PUDP: variants seen among roughly 807,000 people sequenced by gnomAD.
PUDP encodes pseudouridine 5'-phosphatase, also known as pseudouridine-5'-phosphatase.
In PUDP, 8 loss-of-function variants were observed where a neutral mutation model predicts 9.4. The ratio of observed to expected loss-of-function variants is 0.85; its 90% CI spans 0.50 to 1.53. PUDP has a LOEUF of 1.53. PUDP is among the 40% of genes most tolerant of loss of function. The probability of loss-of-function intolerance (pLI) is 0.00; values close to 1 mark genes in which losing one functional copy is unlikely to be tolerated. For missense variants in PUDP, 188 were observed against 189.7 expected (o/e 0.99, Z 0.05); for synonymous variants, 99 against 80.7 (o/e 1.23, Z -1.22).
Position 7,021,301 on chromosome X carries a change from G to A in PUDP, c.205-42958C>T, listed in dbSNP as rs369655970. On this transcript the variant is annotated intron_variant and NMD_transcript_variant, in intron 1 of 3. Transcript: ENST00000655425. ...GGAAGAAAAATCATCCCAATGGGCC[G>A]CCTCAACTGGTGTCTAACTCCTTTG... Among the ~76,000 whole-genome samples the A allele has an allele frequency of 9.8e-5, 11 of 111,962 alleles. No individual in the cohort carries two copies. The East Asian group carries it at 2.5e-3, about 26-fold the overall frequency.
intron 1 of PUDP, among the ~76,000 whole-genome samples, chrX:6,998,713 A>G (rs964777862): frequency 3.6e-5 from 4 of 112,337 alleles, no homozygotes; most frequent in Admixed American, 2.8e-4. Flanking sequence ...CAAATTCACA[A>G]TTAAGAATAA....
At chrX:7,132,034 G>A (rs1346319753) in intron 1 of PUDP, among the ~76,000 whole-genome samples, 1 of 110,515 alleles carries the variant, frequency 9.0e-6, no homozygotes, top group African/African-American at 3.3e-5. Flanking sequence ...GTCTCTAGCA[G>A]ATGAATGATG....
intron 3 of PUDP, among the ~76,000 whole-genome samples, chrX:6,733,118 T>G (rs1487568327): frequency 8.9e-6 from 1 of 112,309 alleles, no homozygotes; most frequent in Non-Finnish European, 1.9e-5. Context: ...GCTCATCCAC[T>G]TACGCTTGAA....
chrX:6,915,696 A>T (rs1041319181), intron 3 of PUDP, among the ~76,000 whole-genome samples: 1 of 112,246 alleles, frequency 8.9e-6, no homozygotes, highest in Admixed American at 9.5e-5. Context: ...CCTAAAAACT[A>T]AAAAAGATAC....
At chrX:7,089,119 G>A (rs1378900765) in intron 2 of PUDP, among the ~76,000 whole-genome samples, 4 of 111,501 alleles carry the variant, frequency 3.6e-5, no homozygotes, top group African/African-American at 9.8e-5. Flanking sequence ...ACAGAAGAGT[G>A]GGGGCTGAGC....
intron 3 of PUDP, among the ~76,000 whole-genome samples, chrX:6,874,096 T>A (rs1224429806): frequency 9.2e-6 from 1 of 108,545 alleles, no homozygotes; most frequent in Non-Finnish European, 1.9e-5. Context: ...ATCACGACAC[T>A]GCACTCCAGC....
At chrX:7,055,867 G>C (rs1930229097) in intron 3 of PUDP, among the ~76,000 whole-genome samples, 1 of 112,064 alleles carries the variant, frequency 8.9e-6, no homozygotes, top group African/African-American at 3.2e-5. Flanking sequence ...TATCTTCGAA[G>C]GCAGAAATAT....
chrX:6,964,340 G>A (rs1026990896), intron 3 of PUDP, among the ~76,000 whole-genome samples: 2 of 111,978 alleles, frequency 1.8e-5, no homozygotes, highest in Non-Finnish European at 3.8e-5. Context: ...TAAAAGATTC[G>A]ATTCCCTACT....
intron 3 of PUDP, among the ~76,000 whole-genome samples, chrX:6,926,239 G>T (rs1400859688): frequency 1.8e-5 from 2 of 111,798 alleles, no homozygotes; most frequent in Non-Finnish European, 1.9e-5. Context: ...TTAAGACAAA[G>T]AAAGTGCTCT....
chrX:7,061,365 G>T (rs1415291892), intron 3 of PUDP, among the ~76,000 whole-genome samples: 1 of 110,900 alleles, frequency 9.0e-6, no homozygotes, highest in Non-Finnish European at 1.9e-5. Flanking sequence ...AAAAAAGTAA[G>T]GTTTCATTTT....
intron 3 of PUDP, among the ~76,000 whole-genome samples, chrX:6,894,798 G>GA (rs1210643923): frequency 5.4e-5 from 6 of 111,867 alleles, no homozygotes; most frequent in Non-Finnish European, 1.1e-4. Context: ...CCAAACCAGG[G>GA]AATCAGTCGT....
chrX:6,741,137 C>T (rs1476443560), intron 3 of PUDP, among the ~76,000 whole-genome samples: 1 of 101,528 alleles, frequency 9.8e-6, no homozygotes, highest in Non-Finnish European at 2.0e-5. Flanking sequence ...CTAGCCTGGG[C>T]GACAGAGTTA....
chrX:6,731,031 C>A (rs1441340131), intron 3 of PUDP, among the ~76,000 whole-genome samples: 1 of 108,930 alleles, frequency 9.2e-6, no homozygotes, highest in Non-Finnish European at 1.9e-5. Context: ...CATCTATAGT[C>A]CAAACCCTTG....
chrX:6,777,184 T>G (rs1209570415), intron 3 of PUDP, among the ~76,000 whole-genome samples: 1 of 112,473 alleles, frequency 8.9e-6, no homozygotes, highest in Non-Finnish European at 1.9e-5. Context: ...CACTGCTTCC[T>G]TGCTATTTAT....
intron 1 of PUDP, among the ~76,000 whole-genome samples, chrX:7,116,091 G>C (rs1399861077): frequency 8.9e-6 from 1 of 112,495 alleles, no homozygotes; most frequent in African/African-American, 3.2e-5. Context: ...TTCATTCAGA[G>C]ATTGCATAGC....
At chrX:6,981,152 C>T (rs756976850) in intron 1 of PUDP, among the ~76,000 whole-genome samples, 33 of 111,767 alleles carry the variant, frequency 3.0e-4, no homozygotes, top group Admixed American at 1.9e-3. Flanking sequence ...TCCTATGTGG[C>T]GCAGAAATAT....
chrX:6,809,401 G>A (rs1394721511), intron 3 of PUDP, among the ~76,000 whole-genome samples: 2 of 109,229 alleles, frequency 1.8e-5, no homozygotes, highest in Non-Finnish European at 3.8e-5. Context: ...ATGCTCAAGG[G>A]AGCATAGGAG....
At chrX:7,042,475 A>T (rs1929935020) in intron 1 of PUDP, among the ~76,000 whole-genome samples, 1 of 112,017 alleles carries the variant, frequency 8.9e-6, no homozygotes, top group South Asian at 3.7e-4. Flanking sequence ...GAATACAAGT[A>T]AGTGTTGGTA....
chrX:7,033,664 T>C (rs1461252858), intron 1 of PUDP, among the ~76,000 whole-genome samples: 1 of 109,877 alleles, frequency 9.1e-6, no homozygotes, highest in Non-Finnish European at 1.9e-5. Flanking sequence ...GGTCTAGGGG[T>C]TGGAGAGAAT....
Sources: gnomAD v4.1 joint callset for allele counts (sites outside exome capture counted in the v4.1 genomes callset) on GRCh38, gnomAD v4.1.1 for gene constraint, MANE v1.5 for transcripts, NCBI Gene and HGNC (gene_info 2026-07-23, HGNC 2026-07-21) for gene names.